The following CCSER1 variants were observed in gnomAD, a reference collection of about 807,000 sequenced individuals.
CCSER1 encodes coiled-coil serine rich protein 1.
A neutral mutation model predicts 82.0 loss-of-function variants in CCSER1; 41 were observed. The ratio of observed to expected loss-of-function variants is 0.50; its 90% CI spans 0.39 to 0.65. The LOEUF (loss-of-function observed/expected upper bound fraction) is 0.65, where lower values mean the gene tolerates loss of function less well. Among genes scored for constraint, CCSER1 ranks in the 30% least tolerant of loss-of-function variants. The pLI, the probability that CCSER1 is intolerant of heterozygous loss-of-function variation, is 0.00. For synonymous variants in CCSER1, 414 were observed against 383.9 expected (o/e 1.08, Z -0.92); for missense variants, 1,119 against 1,064.2 (o/e 1.05, Z -0.72).
intron 9 of CCSER1, among the ~76,000 whole-genome samples, chr4:90,972,957 C>T (rs192977654): frequency 6.6e-6 from 1 of 151,628 alleles, no homozygotes; most frequent in Admixed American, 6.6e-5. Context: ...AACTGGATAT[C>T]CATATGTAGA....
At chr4:91,388,662 C>T (rs890572272) in intron 10 of CCSER1, among the ~76,000 whole-genome samples, 3 of 152,148 alleles carry the variant, frequency 2.0e-5, no homozygotes, top group Middle Eastern at 3.4e-3. Flanking sequence ...TGATGTGGAA[C>T]ATCTTTTCAT....
At chr4:90,325,842 A>T (rs897673296) in intron 3 of CCSER1, 31 of 232,698 alleles carry the variant, frequency 1.3e-4, no homozygotes, top group South Asian at 1.3e-3. Context: ...AAGGTCAAGA[A>T]ATATAGTACT....
intron 9 of CCSER1, among the ~76,000 whole-genome samples, chr4:91,063,875 T>C (rs1008768941): frequency 6.6e-6 from 1 of 152,218 alleles, no homozygotes; most frequent in Non-Finnish European, 1.5e-5. Context: ...TGGTTCTCAA[T>C]GACATTAAAT....
At chr4:91,100,797 A>G (rs1724984366) in intron 10 of CCSER1, among the ~76,000 whole-genome samples, 1 of 152,148 alleles carries the variant, frequency 6.6e-6, no homozygotes. Context: ...ATGTTTGTAG[A>G]TCACTGACCT....
chr4:90,762,393 G>T (rs557829385), intron 7 of CCSER1, among the ~76,000 whole-genome samples: 35 of 152,168 alleles, frequency 2.3e-4, no homozygotes, highest in African/African-American at 7.9e-4. Flanking sequence ...CTCAGTCTTG[G>T]GTATGTCTTT....
Position 91,014,397 on chromosome 4 carries a change from G to A in CCSER1, c.2173-71553G>A, listed in dbSNP as rs1249314771. Among the ~76,000 whole-genome samples the A allele has an allele frequency of 1.0e-4, 14 of 134,436 alleles. 2 individuals carry two copies. The highest frequency in any genetic ancestry group is 2.5e-5 in the African/African-American group (1 of 40,364). The allele number at this position is 134,436 out of a possible 152,430, so 88.2% of individuals were successfully genotyped here. The stretch of plus-strand genomic sequence containing the variant: ...TAATTTATTGTTTCTCCTACCCTTA[G>A]AGTACCTCTGGTCACTTTTACTGCT... On this transcript the variant is annotated intron_variant, in intron 9 of 10. Transcript: ENST00000509176.
At chr4:91,225,333 T>A (rs1475954434) in intron 10 of CCSER1, among the ~76,000 whole-genome samples, 1 of 134,380 alleles carries the variant, frequency 7.4e-6, no homozygotes, top group African/African-American at 2.8e-5. Flanking sequence ...TGTATATATA[T>A]TATATATGTA....
At chr4:90,853,021 G>A in intron 8 of CCSER1, among the ~76,000 whole-genome samples, 1 of 152,002 alleles carries the variant, frequency 6.6e-6, no homozygotes, top group Non-Finnish European at 1.5e-5. Context: ...CTTTGAGGAG[G>A]AGCGAGAGAT....
At chr4:91,521,814 C>A (rs1238834872) in intron 10 of CCSER1, among the ~76,000 whole-genome samples, 1 of 152,174 alleles carries the variant, frequency 6.6e-6, no homozygotes, top group Non-Finnish European at 1.5e-5. Context: ...CAAAAATTTT[C>A]TCCCATTCTG....
chr4:91,282,018 CTT>C (rs1326459987), intron 10 of CCSER1, among the ~76,000 whole-genome samples: 5 of 152,150 alleles, frequency 3.3e-5, no homozygotes, highest in African/African-American at 9.6e-5. Flanking sequence ...ATTACTTAGA[CTT>C]GATGTAACTT....
chr4:90,152,166 C>T (rs1726985633), intron 1 of CCSER1, among the ~76,000 whole-genome samples: 1 of 152,134 alleles, frequency 6.6e-6, no homozygotes, highest in Admixed American at 6.5e-5. Flanking sequence ...TCATTAGAGC[C>T]TCTGCTTTAT....
intron 10 of CCSER1, among the ~76,000 whole-genome samples, chr4:91,511,549 G>A (rs1414006376): frequency 1.3e-5 from 2 of 152,158 alleles, no homozygotes; most frequent in Non-Finnish European, 2.9e-5. Context: ...AGGTGAGCAA[G>A]GGAAGATTCA....
At chr4:90,644,498 T>A (rs547476262) in intron 6 of CCSER1, among the ~76,000 whole-genome samples, 1 of 152,182 alleles carries the variant, frequency 6.6e-6, no homozygotes, top group South Asian at 2.1e-4. Context: ...CCAGGATATA[T>A]GTGCAGAACA....
At chr4:91,165,047 G>C (rs1358822367) in intron 10 of CCSER1, among the ~76,000 whole-genome samples, 1 of 152,140 alleles carries the variant, frequency 6.6e-6, no homozygotes, top group Non-Finnish European at 1.5e-5. Context: ...TTCTGCTCTG[G>C]TTTCTCCCCA....
chr4:90,903,490 A>G (rs945268081), intron 8 of CCSER1, among the ~76,000 whole-genome samples: 2 of 152,120 alleles, frequency 1.3e-5, no homozygotes, highest in South Asian at 4.1e-4. Context: ...AAAACAGACT[A>G]ATATACATAT....
At chr4:90,505,370 A>G (rs1770540565) in intron 5 of CCSER1, among the ~76,000 whole-genome samples, 1 of 151,828 alleles carries the variant, frequency 6.6e-6, no homozygotes, top group South Asian at 2.1e-4. Flanking sequence ...AGACAGAGGA[A>G]CCAAAATCAA....
chr4:90,543,465 A>G (rs934919297), intron 5 of CCSER1, among the ~76,000 whole-genome samples: 4 of 152,184 alleles, frequency 2.6e-5, no homozygotes, highest in African/African-American at 9.7e-5. Context: ...AAATTTAGCA[A>G]CCAATGAAAA....
intron 10 of CCSER1, among the ~76,000 whole-genome samples, chr4:91,223,589 G>A (rs759444854): frequency 1.3e-5 from 2 of 152,054 alleles, no homozygotes; most frequent in African/African-American, 4.8e-5. Flanking sequence ...CAGATAATTT[G>A]CAAGGTGAAA....
chr4:90,649,733 A>C (rs989840182), intron 6 of CCSER1: 1 of 152,216 alleles, frequency 6.6e-6, no homozygotes, highest in Non-Finnish European at 1.5e-5. Flanking sequence ...TAATATTTTA[A>C]CTAAAGCACT....
Sources: allele counts gnomAD v4.1 joint callset (sites outside exome capture counted in the v4.1 genomes callset), GRCh38; gene constraint gnomAD v4.1.1; transcripts MANE v1.5; gene names NCBI Gene and HGNC (gene_info 2026-07-23, HGNC 2026-07-21).